The following JMJD1C variants were observed in gnomAD, a reference collection of about 807,000 sequenced individuals.
The protein encoded by JMJD1C is jumonji domain-containing protein 1C.
JMJD1C carries 31 observed loss-of-function variants against 245.3 expected under a neutral mutation model. That is an observed-to-expected ratio of 0.13 (90% CI 0.09 to 0.17). The LOEUF (loss-of-function observed/expected upper bound fraction) is 0.17. JMJD1C is among the 10% of genes least tolerant of loss of function. The pLI is 1.00. For synonymous variants in JMJD1C, 1,057 were observed against 1,017.4 expected, an observed-to-expected ratio of 1.04 and a Z score of -0.74; for missense variants, 2,691 against 3,000.2, an observed-to-expected ratio of 0.90 and a Z score of 2.41.
At chr10:63,428,815 TACTATTATAATAATAATACTCTTA>T (rs1379073228) in intron 1 of JMJD1C, among the ~76,000 whole-genome samples, 13 of 152,206 alleles carry the variant, frequency 8.5e-5, no homozygotes, top group African/African-American at 2.2e-4. Flanking sequence ...GAAATACCCA[TACTATTATAATAATAATACTCTTA>T]TCTAAGTCTC....
intron 1 of JMJD1C, among the ~76,000 whole-genome samples, chr10:63,399,674 G>A (rs2132572060): frequency 6.6e-6 from 1 of 151,638 alleles, no homozygotes; most frequent in South Asian, 2.1e-4. Flanking sequence ...TAACCCCCAG[G>A]CATATATAAT....
At chr10:63,194,487 C>A (rs1845217772) in intron 13 of JMJD1C, 112 bp from the exon 14 acceptor site, 28 of 638,480 alleles carry the variant, frequency 4.4e-5, no homozygotes, top group South Asian at 1.4e-4. Context: ...AGAGTCACAG[C>A]CAAAGAGAAA....
chr10:63,511,656 A>G (rs1406556397), intron 1 of JMJD1C, among the ~76,000 whole-genome samples: 2 of 152,114 alleles, frequency 1.3e-5, no homozygotes, highest in Admixed American at 6.5e-5. Flanking sequence ...CAGAAGATGC[A>G]GTGAGTGCTG....
At chr10:63,215,740 G>C (rs751118617) in intron 5 of JMJD1C, 44 bp from the exon 6 acceptor site, 160 of 1,314,600 alleles carry the variant, frequency 1.2e-4, no homozygotes, top group South Asian at 5.4e-4. Context: ...AATAGAATGA[G>C]CTAATCAAAT....
chr10:63,411,882 C>T (rs1033237625), intron 1 of JMJD1C, among the ~76,000 whole-genome samples: 1 of 150,848 alleles, frequency 6.6e-6, no homozygotes, highest in Admixed American at 6.6e-5. Context: ...GGATTACAGG[C>T]GTAAGCCACA....
In JMJD1C at chr10:63,207,651, T is replaced by C; in HGVS notation, c.4018A>G (p.Thr1340Ala). Residue 1340 changes from threonine (T) to alanine (A), a missense_variant, in exon 10 of 26, where the codon ACA becomes GCA. Around this residue, in one of 9 missense-constraint regions of JMJD1C, gnomAD observed 1,562 missense variants for 1,490.7 expected, o/e 1.05. Coordinates refer to ENST00000399262, the MANE Select transcript of JMJD1C (RefSeq NM_032776.3). ...GCTTCTGCTAGTTTGAGGCAATCTGTTTTATGTGCCCCAGCTGAAGATCTT... is the reference window on the plus strand; with the variant it reads ...GCTTCTGCTAGTTTGAGGCAATCTGCTTTATGTGCCCCAGCTGAAGATCTT... ...SERSSAGAHKTDCLKLAEAGE... is the reference protein window; with the variant it reads ...SERSSAGAHKADCLKLAEAGE... The C allele has an allele frequency of 6.2e-7, 1 of 1,614,116 alleles. No homozygotes were observed. Among genetic ancestry groups the C allele is most frequent in the Non-Finnish European group, 8.5e-7 (1 of 1,180,004 alleles).
intron 2 of JMJD1C, among the ~76,000 whole-genome samples, chr10:63,274,778 T>C (rs1008326424): frequency 1.3e-5 from 2 of 152,190 alleles, no homozygotes; most frequent in African/African-American, 4.8e-5. Context: ...ATGGCTTCTA[T>C]GTGCAAGGCA....
intron 1 of JMJD1C, among the ~76,000 whole-genome samples, chr10:63,381,243 T>C (rs145801314): frequency 6.0e-4 from 91 of 152,304 alleles, no homozygotes; most frequent in African/African-American, 1.8e-3. Context: ...TGGTGGCTCA[T>C]GCCTGTAATG....
chr10:63,461,349 G>C (rs1041598287), intron 1 of JMJD1C, among the ~76,000 whole-genome samples: 1 of 151,994 alleles, frequency 6.6e-6, no homozygotes, highest in Non-Finnish European at 1.5e-5. Context: ...AAACAGACCA[G>C]AAATCAGCAT....
At position 63,207,426 on chromosome 10, in the gene JMJD1C, C is replaced by G; in HGVS notation, c.4243G>C (p.Glu1415Gln). The change falls in exon 10 of 26, where the codon GAA (glutamate) becomes CAA (glutamine). Residue 1415 changes from glutamate (E) to glutamine (Q), a missense_variant. Glu to Gln is a conservative substitution (Grantham distance 29). Around this residue, in one of 9 missense-constraint regions of JMJD1C, gnomAD observed 1,562 missense variants for 1,490.7 expected, o/e 1.05. Transcript: ENST00000399262. ...GTATTTGATAAAGAGGAAATTACTT[C>G]TGAACCACCCCAGCTGGAAACACTG... Reference protein sequence around the residue: ...TTSVSSWGGSEVISSLSNTIL... With the variant: ...TTSVSSWGGSQVISSLSNTIL... 2 of 1,614,170 alleles carry G rather than the reference C, an allele frequency of 1.2e-6. No homozygotes were observed. Among genetic ancestry groups the G allele is most frequent in the Non-Finnish European group, 1.7e-6 (2 of 1,180,038 alleles).
chr10:63,168,064 T>C lies in JMJD1C; in HGVS notation c.7604A>G (p.Glu2535Gly). Residue 2535 changes from glutamate (E) to glycine (G), a missense_variant, in exon 26 of 26, where the codon GAG (glutamate) becomes GGG (glycine). Coordinates refer to ENST00000399262, the MANE Select transcript of JMJD1C (RefSeq NM_032776.3). ...RALKIHEDEV[E>G]DMEEN Reference sequence around the variant, plus strand: ...TCACACTTAATTTTCTTCCATATCCTCTACTTCATCCTCGTGTATCTTCAA... The same window carrying C: ...TCACACTTAATTTTCTTCCATATCCCCTACTTCATCCTCGTGTATCTTCAA... The C allele has an allele frequency of 6.3e-7, 1 of 1,594,286 alleles. No homozygotes were observed. The highest frequency in any genetic ancestry group is 2.2e-5 in the East Asian group (1 of 44,724).
chr10:63,202,861 C>T, intron 10 of JMJD1C: 1 of 978,152 alleles, frequency 1.0e-6, no homozygotes, highest in Non-Finnish European at 1.2e-6. Flanking sequence ...TTATTTGGAA[C>T]ACTTGCTTCT....
chr10:63,305,685 G>GTGTTA (rs1449361495), intron 2 of JMJD1C, among the ~76,000 whole-genome samples: 1 of 78,226 alleles, frequency 1.3e-5, no homozygotes, highest in Admixed American at 1.4e-4. Context: ...TGTGTGTGTT[G>GTGTTA]AAAGATCTTT....
chr10:63,202,880 A>G, intron 10 of JMJD1C: 1 of 977,142 alleles, frequency 1.0e-6, no homozygotes, highest in Non-Finnish European at 1.2e-6. Flanking sequence ...CTAATCATCT[A>G]TTTACTTTTC....
At chr10:63,296,013 A>ATATATTT (rs71025149) in intron 2 of JMJD1C, among the ~76,000 whole-genome samples, 8 of 84,278 alleles carry the variant, frequency 9.5e-5, no homozygotes, top group Admixed American at 3.9e-4. Context: ...GTATATATAT[A>ATATATTT]TTTTTTTTTT....
chr10:63,210,510 C>T (rs368448445), intron 8 of JMJD1C, among the ~76,000 whole-genome samples: 5 of 152,000 alleles, frequency 3.3e-5, no homozygotes, highest in African/African-American at 1.2e-4. Flanking sequence ...GGTCTAAGTC[C>T]ATATACATGT....
intron 24 of JMJD1C, among the ~76,000 whole-genome samples, chr10:63,174,045 C>T (rs1408618107): frequency 6.6e-6 from 1 of 152,132 alleles, no homozygotes; most frequent in Non-Finnish European, 1.5e-5. Flanking sequence ...GTAACAAGCA[C>T]TAGTGAGGAA....
chr10:63,202,400 G>A (rs1846125884), intron 10 of JMJD1C: 12 of 985,394 alleles, frequency 1.2e-5, no homozygotes, highest in Non-Finnish European at 1.4e-5. Context: ...CATGCTGAAA[G>A]AATAAAACTG....
At chr10:63,521,662 G>C (rs1409486785) in intron 1 of JMJD1C, 2 of 1,017,604 alleles carry the variant, frequency 2.0e-6, no homozygotes, top group South Asian at 2.8e-5. Context: ...GAAAGGGAAG[G>C]CCTGGGCCTG....
Sources: allele counts gnomAD v4.1 joint callset (sites outside exome capture counted in the v4.1 genomes callset), GRCh38; gene constraint gnomAD v4.1.1; regional missense constraint gnomAD v4.1.1; transcripts MANE v1.5; gene names NCBI Gene and HGNC (gene_info 2026-07-23, HGNC 2026-07-21).